The following RIMBP2 variants were observed in gnomAD, a reference collection of about 807,000 sequenced individuals.
RIMBP2 encodes RIMS-binding protein 2.
RIMBP2 carries 48 observed loss-of-function variants against 118.6 expected under a neutral mutation model. The ratio of observed to expected loss-of-function variants is 0.40; its 90% CI spans 0.32 to 0.51. The LOEUF (loss-of-function observed/expected upper bound fraction) is 0.51, where lower values mean the gene tolerates loss of function less well. Ranked by LOEUF, RIMBP2 falls within the 20% of genes least tolerant of loss-of-function variation. The pLI, the probability that RIMBP2 is intolerant of heterozygous loss-of-function variation, is 0.41. For missense variants in RIMBP2, 1,551 were observed against 1,768.3 expected (o/e 0.88, Z 2.20); for synonymous variants, 762 against 742.9 (o/e 1.03, Z -0.42).
intron 1 of RIMBP2, among the ~76,000 whole-genome samples, chr12:130,693,691 A>G (rs1447073129): frequency 2.6e-5 from 4 of 152,200 alleles, no homozygotes; most frequent in Admixed American, 1.3e-4. Context: ...AAATAGCTAC[A>G]TTTCCCAGAT....
chr12:130,644,988 A>G (rs910535746), intron 1 of RIMBP2, among the ~76,000 whole-genome samples: 1 of 152,238 alleles, frequency 6.6e-6, no homozygotes, highest in Non-Finnish European at 1.5e-5. Flanking sequence ...AAACTGTGAA[A>G]TACTCAGGAA....
At chr12:130,440,519 C>A (rs1302113984) in intron 11 of RIMBP2, among the ~76,000 whole-genome samples, 2 of 152,162 alleles carry the variant, frequency 1.3e-5, no homozygotes, top group Non-Finnish European at 1.5e-5. Flanking sequence ...AAGTTAGTGT[C>A]CAGGGGAGCC....
At chr12:130,572,158 G>A (rs544811303) in intron 2 of RIMBP2, among the ~76,000 whole-genome samples, 8 of 152,330 alleles carry the variant, frequency 5.3e-5, no homozygotes, top group East Asian at 3.9e-4. Flanking sequence ...GAGGAAGGCC[G>A]GGGATGAAGG....
chr12:130,646,109 A>AAAAGGGATTGTTT (rs2062892080), intron 1 of RIMBP2, among the ~76,000 whole-genome samples: 1 of 127,178 alleles, frequency 7.9e-6, no homozygotes, highest in Non-Finnish European at 1.7e-5. Context: ...CTCCCTCTCC[A>AAAAGGGATTGTTT]CCTCCCTCAC....
intron 17 of RIMBP2, among the ~76,000 whole-genome samples, chr12:130,421,947 A>C (rs1365783705): frequency 2.6e-5 from 4 of 152,244 alleles, no homozygotes; most frequent in Admixed American, 6.5e-5. Flanking sequence ...CTCATGAGCA[A>C]GGGAGGTGCC....
At chr12:130,441,585 C>T (rs1419821902) in intron 11 of RIMBP2, among the ~76,000 whole-genome samples, 1 of 152,122 alleles carries the variant, frequency 6.6e-6, no homozygotes, top group Middle Eastern at 3.2e-3. Context: ...GGACTCACTT[C>T]CCTCCTGTCT....
intron 1 of RIMBP2, among the ~76,000 whole-genome samples, chr12:130,648,769 T>C (rs1329289950): frequency 1.4e-5 from 2 of 143,746 alleles, no homozygotes; most frequent in Non-Finnish European, 3.1e-5. Flanking sequence ...CGATTCTCGC[T>C]CCTCAGCCTC....
intron 4 of RIMBP2, among the ~76,000 whole-genome samples, chr12:130,496,406 C>T (rs1429606624): frequency 6.6e-6 from 1 of 152,122 alleles, no homozygotes; most frequent in African/African-American, 2.4e-5. Context: ...TATAAATTAC[C>T]CAGTCTCGAG....
At chr12:130,474,659 C>G (rs1484983703) in intron 5 of RIMBP2, among the ~76,000 whole-genome samples, 4 of 152,196 alleles carry the variant, frequency 2.6e-5, no homozygotes, top group Admixed American at 2.6e-4. Flanking sequence ...ACCTGGGGAC[C>G]AGGCATTGTC....
intron 2 of RIMBP2, among the ~76,000 whole-genome samples, chr12:130,605,958 C>T (rs2060158810): frequency 6.6e-6 from 1 of 152,096 alleles, no homozygotes. Flanking sequence ...GTCCCAGCTA[C>T]TTGGGAGGCT....
intron 2 of RIMBP2, among the ~76,000 whole-genome samples, chr12:130,540,763 C>T (rs1275000029): frequency 6.6e-6 from 1 of 152,158 alleles, no homozygotes; most frequent in Non-Finnish European, 1.5e-5. Context: ...GCTGCAGCAC[C>T]CGATTAAACA....
chr12:130,403,161 AG>A (rs2074814919), intron 21 of RIMBP2, among the ~76,000 whole-genome samples: 1 of 152,234 alleles, frequency 6.6e-6, no homozygotes, highest in Non-Finnish European at 1.5e-5. Flanking sequence ...ATCAAAACAA[AG>A]TACCAAGAAA....
intron 3 of RIMBP2, among the ~76,000 whole-genome samples, chr12:130,514,411 G>A (rs2051228099): frequency 6.6e-6 from 1 of 152,258 alleles, no homozygotes; most frequent in African/African-American, 2.4e-5. Context: ...TCCAGGAAAG[G>A]AGGCCTTTGC....
At position 130,446,969 on chromosome 12, in the gene RIMBP2, A is replaced by G. The variant is rs1379447092; in HGVS notation, c.582-1700T>C. ...CCCTCGGCTTTCTGGCCTCAGGGTG[A>G]GCAGGCGGGGACACAAGTCACTGAG... is the stretch of plus-strand genomic sequence containing the variant. On this transcript the variant is annotated intron_variant, in intron 9 of 22. Coordinates refer to ENST00000690449, the MANE Select transcript of RIMBP2 (RefSeq NM_001393629.1). This position sits in a 1 kb window ranked among gnomAD's most constrained non-coding sequence, Gnocchi z 4.1. Among the ~76,000 whole-genome samples the G allele has an allele frequency of 7.1e-6, 1 of 141,012 alleles. No homozygotes were observed. Among genetic ancestry groups the G allele is most frequent in the African/African-American group, 2.7e-5 (1 of 36,462 alleles). The allele number at this position is 141,012 out of a possible 152,430, so 92.5% of individuals were successfully genotyped here. A position where few individuals can be genotyped will look rare whatever the true frequency, so the allele number is the denominator to read the frequency against.
intron 1 of RIMBP2, among the ~76,000 whole-genome samples, chr12:130,640,356 T>C (rs982377026): frequency 3.3e-5 from 5 of 152,260 alleles, no homozygotes; most frequent in African/African-American, 1.2e-4. Context: ...GGAACAATTA[T>C]GTATGGAACC....
intron 4 of RIMBP2, among the ~76,000 whole-genome samples, chr12:130,483,778 C>A (rs1450487514): frequency 7.3e-6 from 1 of 137,164 alleles, no homozygotes; most frequent in Non-Finnish European, 1.6e-5. Flanking sequence ...CCCTCACCTA[C>A]ACACAGTGCC....
At chr12:130,699,793 C>A (rs113416406) in intron 1 of RIMBP2, among the ~76,000 whole-genome samples, 4,389 of 150,690 alleles carry the variant, frequency 0.029, 218 homozygotes, top group African/African-American at 0.1. Context: ...GTAATCCCAG[C>A]TACTCGGGAG....
At chr12:130,587,845 A>G (rs1383558734) in intron 2 of RIMBP2, among the ~76,000 whole-genome samples, 23 of 148,364 alleles carry the variant, frequency 1.6e-4, no homozygotes, top group African/African-American at 5.2e-4. Context: ...AAAAAAAAGA[A>G]AAAAAAAAGA....
rs2139219187 is a variant in RIMBP2, at chr12:130,525,472, G to C, written c.-216-7555C>G. 6.6e-6 allele frequency among the ~76,000 whole-genome samples: 1 copy of C among 152,340 alleles called. No individual in the cohort carries two copies. The highest frequency in any genetic ancestry group is 3.4e-3 in the Middle Eastern group (1 of 294). Reference sequence around the variant, plus strand: ...CCTCCTAGGGGCATGGATGACTAAGGAAGGTAGAGAATGCCCTGGAGGCAG... The same window carrying C: ...CCTCCTAGGGGCATGGATGACTAAGCAAGGTAGAGAATGCCCTGGAGGCAG... On this transcript the variant is annotated intron_variant, in intron 2 of 22. Coordinates refer to ENST00000690449, the MANE Select transcript of RIMBP2 (RefSeq NM_001393629.1). The surrounding 1 kb of genome is among the most constrained non-coding windows in gnomAD (Gnocchi z 4.4).
Sources: allele counts gnomAD v4.1 joint callset (sites outside exome capture counted in the v4.1 genomes callset), GRCh38; gene constraint gnomAD v4.1.1; non-coding constraint Gnocchi (gnomAD v3.1); transcripts MANE v1.5; gene names NCBI Gene and HGNC (gene_info 2026-07-23, HGNC 2026-07-21).